The following KIAA0825 variants were observed in gnomAD, a reference collection of about 807,000 sequenced individuals.
KIAA0825 encodes the protein uncharacterized protein KIAA0825.
KIAA0825 carries 119 observed loss-of-function variants against 147.6 expected under a neutral mutation model. The ratio of observed to expected loss-of-function variants is 0.81; its 90% CI spans 0.69 to 0.94. The LOEUF is 0.94. Among genes scored for constraint, KIAA0825 ranks in the 40% least tolerant of loss-of-function variants. KIAA0825 has a pLI of 0.00. For missense variants in KIAA0825, 1,381 were observed against 1,472.7 expected (o/e 0.94, Z 1.02); for synonymous variants, 470 against 518.1 (o/e 0.91, Z 1.26).
intron 20 of KIAA0825, among the ~76,000 whole-genome samples, chr5:94,270,355 C>G (rs1776929811): frequency 6.6e-6 from 1 of 152,040 alleles, no homozygotes. Flanking sequence ...AGGACAGTCT[C>G]TTCAATAAAT....
intron 20 of KIAA0825, among the ~76,000 whole-genome samples, chr5:94,231,488 C>T (rs1774695823): frequency 6.6e-6 from 1 of 152,070 alleles, no homozygotes; most frequent in Non-Finnish European, 1.5e-5. Flanking sequence ...AACACATTTA[C>T]ATTACTTTGC....
chr5:94,224,777 T>C (rs1055226908), intron 20 of KIAA0825, among the ~76,000 whole-genome samples: 15 of 152,166 alleles, frequency 9.9e-5, no homozygotes, highest in African/African-American at 3.4e-4. Flanking sequence ...AGACAGTGTC[T>C]CTTTGTAGGC....
At chr5:94,411,344 G>A (rs160193) in intron 15 of KIAA0825, among the ~76,000 whole-genome samples, 2 of 151,976 alleles carry the variant, frequency 1.3e-5, no homozygotes, top group Non-Finnish European at 1.5e-5. Context: ...AACCTATAGT[G>A]CCAAGTATCA....
intron 3 of KIAA0825, among the ~76,000 whole-genome samples, chr5:94,530,757 GTGTTCCCTCCCC>G (rs1770633328): frequency 6.6e-6 from 1 of 152,106 alleles, no homozygotes; most frequent in Non-Finnish European, 1.5e-5. Context: ...TCCTCTTATA[GTGTTCCCTCCCC>G]TGTTTCTGCT....
At position 94,348,047 on chromosome 5, in the gene KIAA0825, A is replaced by C. The variant is rs1186706448; in HGVS notation, c.3710+36321T>G. Among the ~76,000 whole-genome samples, 3 of 152,208 alleles carry C rather than the reference A, an allele frequency of 2.0e-5. No homozygotes were observed. In the East Asian group the frequency reaches 5.8e-4, roughly 29 times the overall value. On this transcript the variant is annotated intron_variant, in intron 20 of 20. Coordinates refer to ENST00000682413, the MANE Select transcript of KIAA0825 (RefSeq NM_001145678.3). ...TTAAAGAAGTAGAAGAAAGAAATTC[A>C]GAGCTCGAAGACAAGGTCTTGAAAT...
rs1238659671 is a variant in KIAA0825, at chr5:94,484,800, A to T, written c.1101T>A (p.Leu367=). The T allele has an allele frequency of 6.6e-7, 1 of 1,507,032 alleles. No individual in the cohort carries two copies. The highest frequency in any genetic ancestry group is 2.5e-5 in the East Asian group (1 of 40,016). 93.4% of individuals were successfully genotyped at this position (1,507,032 alleles called of 1,614,324 possible). A position where few individuals can be genotyped will look rare whatever the true frequency, so the allele number is the denominator to read the frequency against. ...TATCCCTGGTTATCTTGAGTGATAA[A>T]AGTATTTCGTCAAACAATTCTTGAA... is the stretch of plus-strand genomic sequence containing the variant. The part of the protein sequence containing the change: ...KGVQELFDEI[L]LSLKITRDTS... Residue 367 remains leucine, a synonymous_variant, in exon 6 of 21, where the codon CTT becomes CTA. Transcript: ENST00000682413.
chr5:94,228,063 C>A, intron 20 of KIAA0825, among the ~76,000 whole-genome samples: 1 of 152,044 alleles, frequency 6.6e-6, no homozygotes, highest in East Asian at 1.9e-4. Context: ...TGTCTTAGTC[C>A]ATCCATGAAA....
At chr5:94,489,192 C>T (rs1763410766) in intron 5 of KIAA0825, among the ~76,000 whole-genome samples, 1 of 152,074 alleles carries the variant, frequency 6.6e-6, no homozygotes, top group African/African-American at 2.4e-5. Flanking sequence ...CTTCTAAAGC[C>T]TCCTAGACCT....
chr5:94,523,956 C>G lies in KIAA0825; in HGVS notation c.274G>C (p.Asp92His), dbSNP rs576867368. Residue 92 changes from aspartate (D) to histidine (H), a missense_variant, in exon 4 of 21, where the codon GAC becomes CAC. Asp to His is a moderately conservative substitution (Grantham distance 81, BLOSUM62 -1). Coordinates refer to ENST00000682413, the MANE Select transcript of KIAA0825 (RefSeq NM_001145678.3). Reference sequence around the variant, plus strand: ...AGTGTTTTGAAAAATTTTATCAAGTCTCCATGAGAAATGAAAGATGATTCA... The same window carrying G: ...AGTGTTTTGAAAAATTTTATCAAGTGTCCATGAGAAATGAAAGATGATTCA... ...TSESSFISHG[D>H]LIKFFKTLQD... 6.2e-7 allele frequency: 1 copy of G among 1,602,300 alleles called. No homozygotes were observed. The highest frequency in any genetic ancestry group is 1.3e-5 in the African/African-American group (1 of 74,546).
chr5:94,352,883 C>T (rs554652766), intron 20 of KIAA0825, among the ~76,000 whole-genome samples: 20 of 148,882 alleles, frequency 1.3e-4, no homozygotes, highest in African/African-American at 5.0e-4. Context: ...TATGAGGATG[C>T]GAAGGCATAA....
chr5:94,477,360 A>G (rs1339791362), intron 6 of KIAA0825, among the ~76,000 whole-genome samples, 155 bp from the exon 7 acceptor site: 1 of 151,784 alleles, frequency 6.6e-6, no homozygotes, highest in African/African-American at 2.4e-5. Flanking sequence ...CAATATATAG[A>G]GAATATAGTC....
intron 5 of KIAA0825, among the ~76,000 whole-genome samples, chr5:94,498,748 A>G (rs1028305878): frequency 9.9e-5 from 15 of 152,142 alleles, no homozygotes; most frequent in African/African-American, 3.1e-4. Context: ...CACTATCTCC[A>G]ATAAGTCAGT....
chr5:94,473,729 T>C (rs1349901425), intron 7 of KIAA0825, among the ~76,000 whole-genome samples: 1 of 152,232 alleles, frequency 6.6e-6, no homozygotes, highest in Non-Finnish European at 1.5e-5. Flanking sequence ...AGTAATATAC[T>C]GACATTTCAT....
chr5:94,606,573 A>G (rs2152428510), intron 1 of KIAA0825, among the ~76,000 whole-genome samples: 1 of 152,330 alleles, frequency 6.6e-6, no homozygotes, highest in Non-Finnish European at 1.5e-5. Flanking sequence ...GACCAAAGGA[A>G]CAGAATAGGG....
At chr5:94,436,164 A>G (rs1183880680) in intron 14 of KIAA0825, among the ~76,000 whole-genome samples, 1 of 152,082 alleles carries the variant, frequency 6.6e-6, no homozygotes, top group African/African-American at 2.4e-5. Flanking sequence ...CTTTTGTTGC[A>G]ATTGCTTTTG....
intron 20 of KIAA0825, among the ~76,000 whole-genome samples, chr5:94,355,011 G>T (rs1784093866): frequency 6.6e-6 from 1 of 152,202 alleles, no homozygotes; most frequent in Admixed American, 6.5e-5. Flanking sequence ...AGAAGGGTGG[G>T]ACAATTCGAA....
At chr5:94,282,097 A>T (rs1244410804) in intron 20 of KIAA0825, among the ~76,000 whole-genome samples, 1 of 152,158 alleles carries the variant, frequency 6.6e-6, no homozygotes, top group Non-Finnish European at 1.5e-5. Flanking sequence ...TTAGACTATA[A>T]ACCCATTGAC....
Position 94,396,160 on chromosome 5 carries a change from C to T in KIAA0825, c.3237G>A (p.Gln1079=). The T allele has an allele frequency of 1.9e-6, 3 of 1,539,082 alleles. No individual in the cohort carries two copies. Among genetic ancestry groups the T allele is most frequent in the Non-Finnish European group, 2.6e-6 (3 of 1,142,850 alleles). Residue 1079 remains glutamine (Q), a synonymous_variant, in exon 17 of 21, where the codon CAG becomes CAA. Transcript: ENST00000682413. ...MIQKVIQSIE[Q]QKPNWIERQL... ...GACGTTCAATCCAGTTGGGCTTCTG[C>T]TGCTCAATGCTCTGTATGACCTTTT...
intron 20 of KIAA0825, among the ~76,000 whole-genome samples, chr5:94,187,310 A>G (rs1436363677): frequency 6.6e-6 from 1 of 151,006 alleles, no homozygotes; most frequent in Non-Finnish European, 1.5e-5. Flanking sequence ...GACAGGCAGA[A>G]CTGTTGTGAA....
Sources: allele counts gnomAD v4.1 joint callset (sites outside exome capture counted in the v4.1 genomes callset), GRCh38; gene constraint gnomAD v4.1.1; transcripts MANE v1.5; gene names NCBI Gene and HGNC (gene_info 2026-07-23, HGNC 2026-07-21).